The following EXOC4 variants were observed in gnomAD, a reference collection of about 807,000 sequenced individuals.
The protein encoded by EXOC4 is SEC8-like 1.
In EXOC4, 71 loss-of-function variants were observed where a neutral mutation model predicts 107.2. That is an observed-to-expected ratio of 0.66 (90% CI 0.55 to 0.81). EXOC4 has a LOEUF of 0.81. Among genes scored for constraint, EXOC4 ranks in the 30% least tolerant of loss-of-function variants. The probability of loss-of-function intolerance (pLI) is 0.00; values close to 1 mark genes in which losing one functional copy is unlikely to be tolerated. For missense variants in EXOC4, 1,108 were observed against 1,189.6 expected (o/e 0.93, Z 1.01); for synonymous variants, 456 against 441.2 (o/e 1.03, Z -0.42).
chr7:133,695,530 A>C (rs1794515744), intron 10 of EXOC4, among the ~76,000 whole-genome samples: 1 of 152,078 alleles, frequency 6.6e-6, no homozygotes, highest in Non-Finnish European at 1.5e-5. Context: ...AGGTTTCCAC[A>C]TTTCACTTTC....
At chr7:133,736,873 G>A (rs967473916) in intron 10 of EXOC4, among the ~76,000 whole-genome samples, 1 of 152,058 alleles carries the variant, frequency 6.6e-6, no homozygotes, top group African/African-American at 2.4e-5. Flanking sequence ...CTGCCTTCTG[G>A]ACACCTTTTT....
chr7:133,920,140 T>G (rs1164476410), intron 13 of EXOC4, among the ~76,000 whole-genome samples: 1 of 152,226 alleles, frequency 6.6e-6, no homozygotes, highest in Non-Finnish European at 1.5e-5. Flanking sequence ...TGACATGTGA[T>G]GTTGAACATC....
chr7:133,712,550 C>CA (rs1236640612), intron 10 of EXOC4, among the ~76,000 whole-genome samples: 2 of 147,652 alleles, frequency 1.4e-5, no homozygotes, highest in African/African-American at 2.5e-5. Flanking sequence ...GGCCGTGCCT[C>CA]AAAAAATTAA....
chr7:133,658,162 G>A (rs1283251695), intron 10 of EXOC4, among the ~76,000 whole-genome samples: 2 of 152,146 alleles, frequency 1.3e-5, no homozygotes, highest in African/African-American at 4.8e-5. Flanking sequence ...TACAGCATGT[G>A]CCAAGGCGGT....
At chr7:134,018,876 G>A (rs925394517) in intron 17 of EXOC4, among the ~76,000 whole-genome samples, 7 of 151,490 alleles carry the variant, frequency 4.6e-5, no homozygotes, top group African/African-American at 1.7e-4. Context: ...AAATAATATG[G>A]GTTTTAAAAT....
chr7:133,847,725 G>A (rs1798160082), intron 11 of EXOC4, among the ~76,000 whole-genome samples: 2 of 150,006 alleles, frequency 1.3e-5, no homozygotes, highest in Admixed American at 1.3e-4. Flanking sequence ...GGAGAGGGTG[G>A]GGGACGGAGT....
At chr7:133,271,326 G>C (rs1268892362) in intron 1 of EXOC4, among the ~76,000 whole-genome samples, 4 of 152,106 alleles carry the variant, frequency 2.6e-5, no homozygotes, top group East Asian at 1.9e-4. Context: ...TTGCAGAAAA[G>C]AAAACAGAAC....
At chr7:133,323,097 TAAG>T (rs1327188124) in intron 5 of EXOC4, among the ~76,000 whole-genome samples, 2 of 152,190 alleles carry the variant, frequency 1.3e-5, no homozygotes, top group African/African-American at 2.4e-5. Flanking sequence ...CTTATCAGCT[TAAG>T]GAGATCTTGG....
intron 17 of EXOC4, among the ~76,000 whole-genome samples, chr7:134,037,845 C>T (rs967191087): frequency 1.3e-5 from 2 of 152,138 alleles, no homozygotes; most frequent in Admixed American, 6.5e-5. Flanking sequence ...CCCAGGAGTT[C>T]TTGATAAAAA....
Position 133,714,521 on chromosome 7 carries a change from G to A in EXOC4, c.1514+84380G>A, listed in dbSNP as rs575483924. ...CTTTTCCATTCATATTATAATGATTGTCATAATATAATAAAAGTAACAATT... is the reference window on the plus strand; with the variant it reads ...CTTTTCCATTCATATTATAATGATTATCATAATATAATAAAAGTAACAATT... On this transcript the variant is annotated intron_variant, in intron 10 of 17. Coordinates refer to ENST00000253861, the MANE Select transcript of EXOC4 (RefSeq NM_021807.4). Among the ~76,000 whole-genome samples the A allele has an allele frequency of 1.6e-4, 24 of 152,254 alleles. No homozygotes were observed. The South Asian group carries it at 2.7e-3, about 17-fold the overall frequency.
intron 11 of EXOC4, 21 bp from the exon 12 acceptor site, chr7:133,895,578 C>T (rs776631545): frequency 1.2e-6 from 2 of 1,612,298 alleles, no homozygotes; most frequent in Non-Finnish European, 1.7e-6. Flanking sequence ...CTCATATCCT[C>T]TCTTTGTTGT....
At chr7:134,076,134 G>C in the EXOC4 span, among the ~76,000 whole-genome samples, 1 of 152,140 alleles carries the variant, frequency 6.6e-6, no homozygotes, top group South Asian at 2.1e-4. Flanking sequence ...GTGGAGGATT[G>C]AGAATAAGAG....
chr7:134,039,542 A>G (rs1173309493), intron 17 of EXOC4, among the ~76,000 whole-genome samples: 2 of 152,180 alleles, frequency 1.3e-5, no homozygotes, highest in Non-Finnish European at 2.9e-5. Flanking sequence ...AAATAAAATC[A>G]TATTTCCAGG....
At chr7:133,263,478 C>T (rs1584759415) in intron 1 of EXOC4, among the ~76,000 whole-genome samples, 1 of 148,590 alleles carries the variant, frequency 6.7e-6, no homozygotes, top group East Asian at 2.0e-4. Flanking sequence ...GCCTCCCAAG[C>T]TCAAGCAATT....
intron 7 of EXOC4, among the ~76,000 whole-genome samples, chr7:133,389,305 T>C (rs966729687): frequency 1.2e-4 from 19 of 152,216 alleles, no homozygotes; most frequent in Middle Eastern, 6.8e-3. Context: ...GCATGGTGGC[T>C]CATGCCTGTA....
chr7:133,459,573 A>G (rs1170443429), intron 7 of EXOC4, among the ~76,000 whole-genome samples: 2 of 152,238 alleles, frequency 1.3e-5, no homozygotes, highest in East Asian at 1.9e-4. Context: ...TGGGGCAGAC[A>G]TGCGTAGTAT....
chr7:133,885,389 T>C (rs1429682628), intron 11 of EXOC4, among the ~76,000 whole-genome samples: 1 of 152,098 alleles, frequency 6.6e-6, no homozygotes, highest in Non-Finnish European at 1.5e-5. Context: ...CAGGCTCTTA[T>C]CCACTACTCC....
chr7:133,417,039 T>G (rs1291118480), intron 7 of EXOC4, among the ~76,000 whole-genome samples: 3 of 152,160 alleles, frequency 2.0e-5, no homozygotes, highest in South Asian at 4.1e-4. Context: ...GTATGAATGA[T>G]GAGGTCTATA....
chr7:133,770,302 T>A (rs1171749574), intron 10 of EXOC4, among the ~76,000 whole-genome samples: 30 of 151,900 alleles, frequency 2.0e-4, no homozygotes, highest in African/African-American at 7.2e-4. Context: ...AACTTGCCCA[T>A]TAGCCTACAG....
Sources: gnomAD v4.1 joint callset for allele counts (sites outside exome capture counted in the v4.1 genomes callset) on GRCh38, gnomAD v4.1.1 for gene constraint, MANE v1.5 for transcripts, NCBI Gene and HGNC (gene_info 2026-07-23, HGNC 2026-07-21) for gene names.